The following FBXL17 variants were observed in gnomAD, a reference collection of about 807,000 sequenced individuals.
The protein encoded by FBXL17 is F-box and leucine rich repeat protein 17.
In FBXL17, 22 loss-of-function variants were observed where a neutral mutation model predicts 66.2. That is an observed-to-expected ratio of 0.33 (90% confidence interval 0.24 to 0.47). The LOEUF (loss-of-function observed/expected upper bound fraction) is 0.47. Ranked by LOEUF, FBXL17 falls within the 20% of genes least tolerant of loss-of-function variation. The probability of loss-of-function intolerance (pLI) is 1.00; values close to 1 mark genes in which losing one functional copy is unlikely to be tolerated. For missense variants in FBXL17, 878 were observed against 948.2 expected (o/e 0.93, Z 0.97); for synonymous variants, 474 against 400.5 (o/e 1.18, Z -2.19).
chr5:107,871,074 A>AAAAAAAAACAAAAC (rs1561511924), intron 8 of FBXL17, among the ~76,000 whole-genome samples: 3 of 130,684 alleles, frequency 2.3e-5, no homozygotes, highest in Non-Finnish European at 3.3e-5. Context: ...AAAAAAAAAA[A>AAAAAAAAACAAAAC]AAAAACCTCA....
At chr5:108,265,917 C>G (rs6594295) in intron 4 of FBXL17, among the ~76,000 whole-genome samples, 118,422 of 152,070 alleles carry the variant, frequency 0.78, 46,859 homozygotes, top group East Asian at 0.93. Context: ...TAAGGTTCGA[C>G]ACTACAATTA....
chr5:108,364,685 A>G (rs1376909552), intron 3 of FBXL17, 53 bp downstream of exon 3: 2 of 1,429,088 alleles, frequency 1.4e-6, no homozygotes, highest in African/African-American at 2.9e-5. Context: ...TTGTTGCTAG[A>G]AAACATTTTT....
intron 4 of FBXL17, among the ~76,000 whole-genome samples, chr5:108,234,779 G>A (rs1386418871): frequency 6.6e-6 from 1 of 152,190 alleles, no homozygotes; most frequent in African/African-American, 2.4e-5. Flanking sequence ...ATTCAGAGGT[G>A]TTGAAGAAGC....
chr5:108,270,833 T>G (rs1757237852), intron 4 of FBXL17, among the ~76,000 whole-genome samples: 1 of 152,140 alleles, frequency 6.6e-6, no homozygotes, highest in African/African-American at 2.4e-5. Flanking sequence ...TTTAAATTAT[T>G]TCTCCTGAAC....
intron 5 of FBXL17, among the ~76,000 whole-genome samples, chr5:108,221,644 G>T (rs969020281): frequency 6.6e-6 from 1 of 152,030 alleles, no homozygotes; most frequent in African/African-American, 2.4e-5. Context: ...ACATCCTCTT[G>T]ATTATTTATT....
At chr5:108,125,970 A>T (rs1750681481) in intron 6 of FBXL17, among the ~76,000 whole-genome samples, 1 of 152,154 alleles carries the variant, frequency 6.6e-6, no homozygotes, top group South Asian at 2.1e-4. Flanking sequence ...CAAAGAGTCA[A>T]CAAAAATTCT....
rs1748583351 is a variant in FBXL17, at chr5:107,875,196, G to T, written c.1965+5841C>A. Among the ~76,000 whole-genome samples, 4 of 151,466 alleles carry T rather than the reference G, an allele frequency of 2.6e-5. No homozygotes were observed. In the South Asian group the frequency reaches 6.2e-4, roughly 24 times the overall value. On this transcript the variant is annotated intron_variant, in intron 8 of 8. Transcript: ENST00000542267. ...TGGGCAACCTGGAAACAGCTGTGCA[G>T]ACAAGGCAGGGAAGAGGAGAGTCCC... is the stretch of plus-strand genomic sequence containing the variant.
intron 7 of FBXL17, among the ~76,000 whole-genome samples, chr5:108,013,547 T>C (rs1754263274): frequency 6.6e-6 from 1 of 152,188 alleles, no homozygotes; most frequent in Admixed American, 6.5e-5. Context: ...CAGTCTATGA[T>C]GATTCTGTCC....
intron 4 of FBXL17, among the ~76,000 whole-genome samples, chr5:108,302,945 C>T (rs1165607633): frequency 6.6e-6 from 1 of 151,718 alleles, no homozygotes; most frequent in Admixed American, 6.6e-5. Context: ...CGTTCACTTC[C>T]TAAGTAGAGT....
intron 6 of FBXL17, among the ~76,000 whole-genome samples, chr5:108,022,334 G>C (rs556868893): frequency 6.6e-6 from 1 of 151,574 alleles, no homozygotes; most frequent in Non-Finnish European, 1.5e-5. Context: ...ACGTCATTTG[G>C]TTATAACATA....
chr5:108,076,729 T>C (rs1748562281), intron 6 of FBXL17, among the ~76,000 whole-genome samples: 2 of 152,134 alleles, frequency 1.3e-5, no homozygotes, highest in African/African-American at 4.8e-5. Flanking sequence ...TTCTACACCT[T>C]TCCCCAGATC....
intron 6 of FBXL17, among the ~76,000 whole-genome samples, chr5:108,166,390 A>G (rs1188516028): frequency 1.3e-5 from 2 of 152,236 alleles, no homozygotes; most frequent in Non-Finnish European, 2.9e-5. Context: ...TGCAAAACAC[A>G]TGCTCCAGGG....
chr5:107,976,719 T>G (rs1752593450), intron 7 of FBXL17, among the ~76,000 whole-genome samples: 1 of 152,162 alleles, frequency 6.6e-6, no homozygotes, highest in African/African-American at 2.4e-5. Flanking sequence ...TCCTGCTTTT[T>G]GGGACATTTC....
intron 6 of FBXL17, among the ~76,000 whole-genome samples, chr5:108,041,364 C>A (rs1386373123): frequency 6.6e-6 from 1 of 152,078 alleles, no homozygotes; most frequent in Admixed American, 6.6e-5. Flanking sequence ...ATGCTAAGAA[C>A]CTTGAATTGC....
intron 5 of FBXL17, among the ~76,000 whole-genome samples, chr5:108,190,981 G>A (rs1294846656): frequency 6.6e-6 from 1 of 152,056 alleles, no homozygotes; most frequent in Non-Finnish European, 1.5e-5. Context: ...GCCCCATGTT[G>A]GTATCACAGG....
intron 4 of FBXL17, chr5:108,297,915 A>G (rs866642196): frequency 3.1e-6 from 3 of 962,132 alleles, no homozygotes; most frequent in Non-Finnish European, 3.7e-6. Context: ...CAGAATCCAT[A>G]TATCTTCAAA....
chr5:107,866,855 T>C (rs1748289961), intron 8 of FBXL17, among the ~76,000 whole-genome samples: 1 of 152,162 alleles, frequency 6.6e-6, no homozygotes, highest in African/African-American at 2.4e-5. Flanking sequence ...AGAATTTCAG[T>C]CATCTCTTTG....
At chr5:108,212,304 A>G (rs1334578947) in intron 5 of FBXL17, among the ~76,000 whole-genome samples, 1 of 152,070 alleles carries the variant, frequency 6.6e-6, no homozygotes, top group Non-Finnish European at 1.5e-5. Context: ...AGAGTTTGTT[A>G]TTACCAGCCT....
At chr5:108,165,893 A>T (rs1752398068) in intron 6 of FBXL17, among the ~76,000 whole-genome samples, 3 of 152,204 alleles carry the variant, frequency 2.0e-5, no homozygotes, top group Non-Finnish European at 2.9e-5. Flanking sequence ...AAGCACAGAA[A>T]ATGGGAACAA....
Sources: allele counts gnomAD v4.1 joint callset (sites outside exome capture counted in the v4.1 genomes callset), GRCh38; gene constraint gnomAD v4.1.1; transcripts MANE v1.5; gene names NCBI Gene and HGNC (gene_info 2026-07-23, HGNC 2026-07-21).